Variants in SPTLC3 observed in about 807,000 individuals in gnomAD.
SPTLC3 encodes serine palmitoyltransferase long chain base subunit 3.
Under a neutral mutation model 59.3 loss-of-function variants are expected in SPTLC3, and 36 were observed. The ratio of observed to expected loss-of-function variants is 0.61; its 90% CI spans 0.47 to 0.80. SPTLC3 has a LOEUF of 0.80. Ranked by LOEUF, SPTLC3 falls within the 30% of genes least tolerant of loss-of-function variation. SPTLC3 has a pLI of 0.00. For missense variants in SPTLC3, 625 were observed against 685.1 expected, an observed-to-expected ratio of 0.91 and a Z score of 0.98; for synonymous variants, 257 against 240.8, an observed-to-expected ratio of 1.07 and a Z score of -0.62.
intron 2 of SPTLC3, among the ~76,000 whole-genome samples, chr20:13,059,316 C>T (rs1002840072): frequency 1.3e-5 from 2 of 152,178 alleles, no homozygotes; most frequent in African/African-American, 2.4e-5. Context: ...ACTGTTACGT[C>T]GCTAGTATCG....
intron 1 of SPTLC3, among the ~76,000 whole-genome samples, chr20:13,030,251 C>A (rs1298690442): frequency 6.6e-6 from 1 of 152,196 alleles, no homozygotes; most frequent in African/African-American, 2.4e-5. Context: ...TGGTTCATTC[C>A]TGTGGAATTT....
intron 6 of SPTLC3, among the ~76,000 whole-genome samples, chr20:13,099,714 T>A (rs1296378975): frequency 6.6e-6 from 1 of 152,202 alleles, no homozygotes; most frequent in Non-Finnish European, 1.5e-5. Flanking sequence ...ATGTACAGCA[T>A]CAGATGCTGC....
At chr20:13,033,252 TC>T (rs1986581032) in intron 1 of SPTLC3, among the ~76,000 whole-genome samples, 1 of 152,184 alleles carries the variant, frequency 6.6e-6, no homozygotes, top group Non-Finnish European at 1.5e-5. Context: ...ATACTTGGTG[TC>T]ATAATACATA....
chr20:13,099,564 T>G (rs1989534446), intron 6 of SPTLC3, among the ~76,000 whole-genome samples: 1 of 152,218 alleles, frequency 6.6e-6, no homozygotes, highest in Admixed American at 6.5e-5. Flanking sequence ...ACGAGCATAT[T>G]CTGCTGCTGT....
At chr20:13,150,164 C>T (rs1191549448) in intron 9 of SPTLC3, among the ~76,000 whole-genome samples, 2 of 152,160 alleles carry the variant, frequency 1.3e-5, no homozygotes, top group African/African-American at 4.8e-5. Flanking sequence ...ACAATCTCCC[C>T]CTACTCTTTA....
intron 5 of SPTLC3, among the ~76,000 whole-genome samples, chr20:13,091,739 A>G (rs899410010): frequency 2.0e-5 from 3 of 152,190 alleles, no homozygotes; most frequent in Admixed American, 6.5e-5. Context: ...GTCAGAATTC[A>G]TCTTCAATGA....
In SPTLC3 at chr20:13,110,183, A is replaced by G. The variant is rs958965089; in HGVS notation, c.898A>G (p.Lys300Glu). The G allele has an allele frequency of 1.2e-6, 2 of 1,613,660 alleles. No individual in the cohort carries two copies. Among genetic ancestry groups the G allele is most frequent in the Middle Eastern group, 3.3e-4 (2 of 6,052 alleles). ...YGQPRTRRAW[K>E]KILILVEGVY... Reference sequence around the variant, plus strand: ...CCAGCCTCGAACCCGCAGAGCTTGGAAAAAGATTCTCATCCTGGTGGAGGG... The same window carrying G: ...CCAGCCTCGAACCCGCAGAGCTTGGGAAAAGATTCTCATCCTGGTGGAGGG... Residue 300 changes from lysine (K) to glutamate (E), a missense_variant, in exon 7 of 12, where the codon AAA becomes GAA. Physicochemically the swap from Lys to Glu is moderately conservative, Grantham distance 56. Transcript: ENST00000399002.
In SPTLC3 at chr20:13,091,104, A is replaced by T; in HGVS notation, c.629A>T (p.Glu210Val). ...HEMGTLDKHK[E>V]LEDLVAKFLN... Reference sequence around the variant, plus strand: ...GCAGGCACCTTGGATAAGCACAAGGAGTTGGAGGACCTTGTGGCTAAGTTC... The same window carrying T: ...GCAGGCACCTTGGATAAGCACAAGGTGTTGGAGGACCTTGTGGCTAAGTTC... Residue 210 changes from glutamate to valine, a missense_variant, in exon 5 of 12, where the codon GAG (glutamate) becomes GTG (valine). Physicochemically the swap from Glu to Val is moderately radical, Grantham distance 121. Coordinates refer to ENST00000399002, the MANE Select transcript of SPTLC3 (RefSeq NM_018327.4). 6.2e-7 allele frequency: 1 copy of T among 1,613,960 alleles called. No individual in the cohort carries two copies. The highest frequency in any genetic ancestry group is 8.5e-7 in the Non-Finnish European group (1 of 1,179,894).
At chr20:13,095,840 C>G (rs962713265) in intron 6 of SPTLC3, among the ~76,000 whole-genome samples, 8 of 152,082 alleles carry the variant, frequency 5.3e-5, no homozygotes, top group African/African-American at 1.9e-4. Context: ...CACTCTTGAT[C>G]GAAAGTTGGC....
intron 8 of SPTLC3, among the ~76,000 whole-genome samples, chr20:13,124,402 C>T (rs2037939000): frequency 6.7e-6 from 1 of 149,896 alleles, no homozygotes; most frequent in Non-Finnish European, 1.5e-5. Flanking sequence ...CTTTGAAATA[C>T]AGAGAAGAAA....
chr20:13,025,843 G>A (rs1344758941), intron 1 of SPTLC3, among the ~76,000 whole-genome samples: 1 of 152,080 alleles, frequency 6.6e-6, no homozygotes, highest in African/African-American at 2.4e-5. Context: ...ACTAAGTCAA[G>A]CACCCATTAG....
intron 10 of SPTLC3, among the ~76,000 whole-genome samples, chr20:13,159,174 T>TA: frequency 6.6e-6 from 1 of 152,248 alleles, no homozygotes; most frequent in Non-Finnish European, 1.5e-5. Context: ...GGAAAAGAAA[T>TA]AGACTAGAAG....
chr20:13,134,840 G>T (rs1217162855), intron 9 of SPTLC3, among the ~76,000 whole-genome samples: 1 of 152,196 alleles, frequency 6.6e-6, no homozygotes. Context: ...CATGAAATGT[G>T]TTTGGATCCA....
chr20:13,049,260 T>G, intron 2 of SPTLC3, 130 bp downstream of exon 2: 1 of 1,027,652 alleles, frequency 9.7e-7, no homozygotes, highest in Non-Finnish European at 1.5e-6. Flanking sequence ...CAAATTTCAT[T>G]CATCTCCACC....
intron 2 of SPTLC3, among the ~76,000 whole-genome samples, chr20:13,062,989 A>T (rs914376171): frequency 6.6e-6 from 1 of 152,214 alleles, no homozygotes; most frequent in Admixed American, 6.5e-5. Context: ...AACTTCTGAG[A>T]CATACTGCCA....
chr20:13,050,109 A>G (rs1279011123), intron 2 of SPTLC3: 1 of 152,216 alleles, frequency 6.6e-6, no homozygotes, highest in Non-Finnish European at 1.5e-5. Context: ...CCTGAAAAAG[A>G]ATTCAGGAGG....
At chr20:13,090,069 C>T (rs6134783) in intron 4 of SPTLC3, among the ~76,000 whole-genome samples, 41,238 of 152,006 alleles carry the variant, frequency 0.27, 5,793 homozygotes, top group Middle Eastern at 0.36. Context: ...TGGTGGCTAC[C>T]ATATAGGACT....
At chr20:13,116,503 A>T (rs750732685) in intron 7 of SPTLC3, among the ~76,000 whole-genome samples, 1 of 152,074 alleles carries the variant, frequency 6.6e-6, no homozygotes, top group Non-Finnish European at 1.5e-5. Context: ...GTAAATAGAA[A>T]TTTTAATTTT....
At chr20:13,137,930 C>T (rs1417748049) in intron 9 of SPTLC3, among the ~76,000 whole-genome samples, 3 of 152,132 alleles carry the variant, frequency 2.0e-5, no homozygotes, top group African/African-American at 2.4e-5. Context: ...AGCTCATCTC[C>T]CAGAACAGGT....
Sources: allele counts gnomAD v4.1 joint callset (sites outside exome capture counted in the v4.1 genomes callset), GRCh38; gene constraint gnomAD v4.1.1; transcripts MANE v1.5; gene names NCBI Gene and HGNC (gene_info 2026-07-23, HGNC 2026-07-21).